NWD2: variants seen among roughly 807,000 people sequenced by gnomAD.
NWD2 encodes the protein NACHT and WD repeat domain-containing protein 2.
NWD2 carries 37 observed loss-of-function variants against 132.7 expected under a neutral mutation model. The ratio of observed to expected loss-of-function variants is 0.28; its 90% CI spans 0.21 to 0.37. The LOEUF (loss-of-function observed/expected upper bound fraction) is 0.37, where lower values mean the gene tolerates loss of function less well. NWD2 is among the 10% of genes least tolerant of loss of function. The pLI, the probability that NWD2 is intolerant of heterozygous loss-of-function variation, is 1.00. For missense variants in NWD2, 1,592 were observed against 2,122.4 expected, an observed-to-expected ratio of 0.75 and a Z score of 4.91; for synonymous variants, 705 against 803.0, an observed-to-expected ratio of 0.88 and a Z score of 2.06.
chr4:37,290,359 G>T (rs1718333084), intron 1 of NWD2, among the ~76,000 whole-genome samples: 1 of 152,190 alleles, frequency 6.6e-6, no homozygotes, highest in Non-Finnish European at 1.5e-5. Context: ...GTGCCAGGCA[G>T]TGGGGATATG....
intron 1 of NWD2, among the ~76,000 whole-genome samples, chr4:37,251,334 T>A (rs1484420511): frequency 2.6e-5 from 4 of 152,208 alleles, no homozygotes; most frequent in Admixed American, 1.3e-4. Flanking sequence ...ATGGGACCAC[T>A]GTTATATACG....
intron 1 of NWD2, among the ~76,000 whole-genome samples, chr4:37,271,535 C>T (rs749985014): frequency 3.0e-4 from 45 of 151,618 alleles, no homozygotes; most frequent in Non-Finnish European, 5.9e-4. Flanking sequence ...TTTATATTGA[C>T]CTTAAATGCC....
At position 37,317,243 on chromosome 4, in the gene NWD2, A is replaced by G. The variant is rs145178509; in HGVS notation, c.152-8693A>G. On this transcript the variant is annotated intron_variant, in intron 1 of 6. Transcript: ENST00000309447. Reference sequence around the variant, plus strand: ...TCTGCTGCCCATGTAAACAGCTTCAAAGTCAGCCAGGAATGTGTAAACAGC... The same window carrying G: ...TCTGCTGCCCATGTAAACAGCTTCAGAGTCAGCCAGGAATGTGTAAACAGC... Among the ~76,000 whole-genome samples the G allele has an allele frequency of 3.6e-3, 555 of 152,288 alleles. 1 individual carries two copies. Among genetic ancestry groups the G allele is most frequent in the Middle Eastern group, 0.024 (7 of 294 alleles).
At chr4:37,272,669 G>A (rs1036639328) in intron 1 of NWD2, among the ~76,000 whole-genome samples, 21 of 150,888 alleles carry the variant, frequency 1.4e-4, no homozygotes, top group African/African-American at 4.6e-4. Context: ...TGTCTTAATC[G>A]GTTTTCAAAT....
intron 3 of NWD2, among the ~76,000 whole-genome samples, chr4:37,398,015 G>A (rs78681333): frequency 0.035 from 5,251 of 152,184 alleles, 98 homozygotes; most frequent in Middle Eastern, 0.065. Context: ...ATTTAACTCC[G>A]CAACTGAGTG....
chr4:37,270,243 A>G (rs1049914120), intron 1 of NWD2, among the ~76,000 whole-genome samples: 8 of 151,874 alleles, frequency 5.3e-5, no homozygotes, highest in African/African-American at 1.9e-4. Flanking sequence ...AATAGTTATT[A>G]GCGTAATTCA....
chr4:37,312,672 T>C (rs1718872087), intron 1 of NWD2, among the ~76,000 whole-genome samples: 1 of 150,870 alleles, frequency 6.6e-6, no homozygotes, highest in South Asian at 2.1e-4. Flanking sequence ...CTATGTTGAA[T>C]AGGAGTGGTG....
chr4:37,295,152 A>T (rs1418880), intron 1 of NWD2, among the ~76,000 whole-genome samples: 1 of 151,736 alleles, frequency 6.6e-6, no homozygotes, highest in African/African-American at 2.4e-5. Context: ...AAGGTAAGGC[A>T]GCTTCTTGCA....
intron 3 of NWD2, among the ~76,000 whole-genome samples, chr4:37,419,681 C>T (rs1434624822): frequency 2.0e-5 from 3 of 152,124 alleles, no homozygotes; most frequent in Admixed American, 2.0e-4. Flanking sequence ...GTTGTTTATT[C>T]TTTATTTCTC....
chr4:37,414,757 C>A (rs1184207758), intron 3 of NWD2, among the ~76,000 whole-genome samples: 1 of 152,140 alleles, frequency 6.6e-6, no homozygotes, highest in Non-Finnish European at 1.5e-5. Context: ...ACACATTATA[C>A]AATGGTGGAT....
intron 1 of NWD2, among the ~76,000 whole-genome samples, chr4:37,253,751 GT>G (rs200362538): frequency 0.011 from 1,613 of 152,264 alleles, 35 homozygotes; most frequent in African/African-American, 0.037. Context: ...CTATAAATAA[GT>G]TGTTTAAAGC....
At chr4:37,322,880 T>A (rs1200959587) in intron 1 of NWD2, among the ~76,000 whole-genome samples, 2 of 152,216 alleles carry the variant, frequency 1.3e-5, no homozygotes, top group African/African-American at 2.4e-5. Flanking sequence ...CAATTTTTTT[T>A]ATTTCATAAG....
In NWD2 at chr4:37,325,937, T is replaced by C; in HGVS notation, c.153T>C (p.Asp51=). 1 of 1,537,072 alleles carries C rather than the reference T, an allele frequency of 6.5e-7. No homozygotes were observed. The highest frequency in any genetic ancestry group is 8.8e-7 in the Non-Finnish European group (1 of 1,134,292). ...VRVFISANPE[D]TGAERQALRE... ...TGTGTGTTTGTCTTTCTACTACAGATACGGGAGCAGAAAGACAGGCGCTAA... is the reference window on the plus strand; with the variant it reads ...TGTGTGTTTGTCTTTCTACTACAGACACGGGAGCAGAAAGACAGGCGCTAA... Residue 51 remains aspartate (D), a splice_region_variant and synonymous_variant, in exon 2 of 7, where the codon GAT becomes GAC. Coordinates refer to ENST00000309447, the MANE Select transcript of NWD2 (RefSeq NM_001144990.2).
Position 37,356,423 on chromosome 4 carries a change from A to C in NWD2, c.298A>C (p.Lys100Gln). ...TGAGTGGGACAGCCCAGAGCTCCAG[A>C]AGACCCGCATGAAGCTGCTGGAGAA... ...EDEWDSPELQ[K>Q]TRMKLLENCL... The change falls in exon 3 of 7, where the codon AAG becomes CAG. Residue 100 changes from lysine (K) to glutamine (Q), a missense_variant. Transcript: ENST00000309447. 1 of 1,551,590 alleles carries C rather than the reference A, an allele frequency of 6.4e-7. No individual in the cohort carries two copies.
chr4:37,440,068 C>A (rs1410908914), intron 6 of NWD2, among the ~76,000 whole-genome samples: 1 of 152,090 alleles, frequency 6.6e-6, no homozygotes. Context: ...TCTTTGGAGG[C>A]CTTTTCATGG....
rs547332560 is a variant in NWD2 at position 37,369,817 on chromosome 4, G to T, written c.357+13335G>T. On this transcript the variant is annotated intron_variant, in intron 3 of 6. Coordinates refer to ENST00000309447, the MANE Select transcript of NWD2 (RefSeq NM_001144990.2). ...AGGTCAAATATTCTCTTCCCTGCTT[G>T]GAAATATGCACAGAATGGCTGAACG... is the stretch of plus-strand genomic sequence containing the variant. 4.6e-5 allele frequency among the ~76,000 whole-genome samples: 7 copies of T among 152,252 alleles called. No individual in the cohort carries two copies. The South Asian group carries it at 1.2e-3, about 27-fold the overall frequency.
At chr4:37,319,171 C>T (rs748448168) in intron 1 of NWD2, among the ~76,000 whole-genome samples, 2 of 151,934 alleles carry the variant, frequency 1.3e-5, no homozygotes, top group African/African-American at 4.8e-5. Context: ...TAATAGCCAC[C>T]GTGACTGGTA....
intron 6 of NWD2, among the ~76,000 whole-genome samples, chr4:37,440,263 C>T (rs776755572): frequency 2.0e-5 from 3 of 150,130 alleles, no homozygotes; most frequent in Non-Finnish European, 3.0e-5. Flanking sequence ...CCAGCACACT[C>T]CTTAGACAGG....
intron 3 of NWD2, among the ~76,000 whole-genome samples, chr4:37,411,070 T>C (rs777880232): frequency 1.3e-5 from 2 of 151,842 alleles, no homozygotes; most frequent in South Asian, 4.2e-4. Flanking sequence ...CACCCTAACA[T>C]CAAAATTAAA....
Sources: gnomAD v4.1 joint callset for allele counts (sites outside exome capture counted in the v4.1 genomes callset) on GRCh38, gnomAD v4.1.1 for gene constraint, MANE v1.5 for transcripts, NCBI Gene and HGNC (gene_info 2026-07-23, HGNC 2026-07-21) for gene names.